The following CATSPERE variants were observed in gnomAD, a reference collection of about 807,000 sequenced individuals.
CATSPERE encodes cation channel sperm-associated auxiliary subunit epsilon.
A neutral mutation model predicts 114.1 loss-of-function variants in CATSPERE; 93 were observed. The ratio of observed to expected loss-of-function variants is 0.81; its 90% CI spans 0.69 to 0.97. The LOEUF (loss-of-function observed/expected upper bound fraction) is 0.97, where lower values mean the gene tolerates loss of function less well. CATSPERE is among the 50% of genes least tolerant of loss of function. CATSPERE has a pLI of 0.00. For missense variants in CATSPERE, 1,058 were observed against 1,131.6 expected (o/e 0.93, Z 0.93); for synonymous variants, 341 against 384.1 (o/e 0.89, Z 1.31).
rs9428607 is a variant in CATSPERE at position 244,516,376 on chromosome 1, C to T, written c.430-2216C>T. 7.2e-3 allele frequency among the ~76,000 whole-genome samples: 1,094 copies of T among 152,048 alleles called. 13 individuals are homozygous for T. Among genetic ancestry groups the T allele is most frequent in the African/African-American group, 0.025 (1,019 of 41,408 alleles). Reference sequence around the variant, plus strand: ...GTTTGTTTGTTTTTAGAGATGGGGTCTCACTCTTTTACCCAGGCTGGAGTG... The same window carrying T: ...GTTTGTTTGTTTTTAGAGATGGGGTTTCACTCTTTTACCCAGGCTGGAGTG... On this transcript the variant is annotated intron_variant, in intron 7 of 21. Transcript: ENST00000366534.
At chr1:244,621,313 A>AGATATATCT in intron 20 of CATSPERE, among the ~76,000 whole-genome samples, 1 of 78,916 alleles carries the variant, frequency 1.3e-5, no homozygotes, top group South Asian at 3.8e-4. Flanking sequence ...ATAAATATAT[A>AGATATATCT]AAATATATAT....
intron 8 of CATSPERE, among the ~76,000 whole-genome samples, chr1:244,547,968 C>T (rs1275081372): frequency 6.6e-6 from 1 of 152,172 alleles, no homozygotes; most frequent in Admixed American, 6.5e-5. Context: ...ACCAGACATG[C>T]TATTATATAC....
intron 8 of CATSPERE, among the ~76,000 whole-genome samples, chr1:244,524,989 G>C (rs1248546953): frequency 6.9e-6 from 1 of 145,274 alleles, no homozygotes; most frequent in Non-Finnish European, 1.5e-5. Flanking sequence ...CCATTACTCG[G>C]TATATACCCA....
chr1:244,492,127 C>G (rs1672287507), intron 6 of CATSPERE, among the ~76,000 whole-genome samples: 3 of 152,062 alleles, frequency 2.0e-5, no homozygotes, highest in Non-Finnish European at 4.4e-5. Context: ...CAAAGCCTGG[C>G]AGAGACACAA....
chr1:244,518,505 A>G, intron 7 of CATSPERE, 87 bp from the exon 8 acceptor site: 1 of 860,340 alleles, frequency 1.2e-6, no homozygotes, highest in East Asian at 2.6e-5. Context: ...TCTTAACGAA[A>G]ATAACAAATT....
At chr1:244,615,913 A>G (rs977592022) in intron 19 of CATSPERE, among the ~76,000 whole-genome samples, 1 of 150,178 alleles carries the variant, frequency 6.7e-6, no homozygotes, top group Non-Finnish European at 1.5e-5. Context: ...CAGAAGTTCG[A>G]CAGAAATCTG....
chr1:244,567,684 C>T (rs912244796), intron 10 of CATSPERE, among the ~76,000 whole-genome samples: 36 of 151,706 alleles, frequency 2.4e-4, no homozygotes, highest in African/African-American at 7.5e-4. Flanking sequence ...TGCTGTGAAG[C>T]TCCATCAGGT....
intron 19 of CATSPERE, among the ~76,000 whole-genome samples, chr1:244,615,046 G>A (rs1448934541): frequency 2.6e-5 from 4 of 151,858 alleles, no homozygotes; most frequent in Admixed American, 6.6e-5. Flanking sequence ...AGCCCTCATT[G>A]TTAATTCATA....
intron 5 of CATSPERE, among the ~76,000 whole-genome samples, chr1:244,480,797 C>G (rs748528220): frequency 1.1e-4 from 16 of 152,192 alleles, no homozygotes; most frequent in Non-Finnish European, 2.4e-4. Context: ...TAACCCAGTC[C>G]TCTCTCACTC....
chr1:244,624,956 G>A (rs1396807670), intron 20 of CATSPERE, among the ~76,000 whole-genome samples: 1 of 152,150 alleles, frequency 6.6e-6, no homozygotes, highest in Non-Finnish European at 1.5e-5. Flanking sequence ...CACATGTGCA[G>A]TGATTTCCCC....
chr1:244,625,416 A>ATG (rs1673017865), intron 20 of CATSPERE, among the ~76,000 whole-genome samples: 1 of 7,102 alleles, frequency 1.4e-4, no homozygotes, highest in African/African-American at 3.5e-4. Flanking sequence ...TTATATATAT[A>ATG]TATATATATA....
intron 8 of CATSPERE, among the ~76,000 whole-genome samples, chr1:244,529,394 A>C (rs570774073): frequency 6.6e-6 from 1 of 152,230 alleles, no homozygotes; most frequent in East Asian, 1.9e-4. Context: ...TCTAGTTTTG[A>C]TTTGCATTTC....
At chr1:244,525,558 A>C (rs903679860) in intron 8 of CATSPERE, among the ~76,000 whole-genome samples, 4 of 152,088 alleles carry the variant, frequency 2.6e-5, no homozygotes, top group African/African-American at 4.8e-5. Context: ...ATGAAACACT[A>C]ATGTGGATTG....
chr1:244,550,582 A>G (rs1224028603), intron 8 of CATSPERE, among the ~76,000 whole-genome samples: 3 of 152,228 alleles, frequency 2.0e-5, no homozygotes, highest in Non-Finnish European at 4.4e-5. Context: ...TCAGTGGACA[A>G]TGTAGCAAAA....
At chr1:244,460,066 T>C (rs1269783714), upstream of CATSPERE, among the ~76,000 whole-genome samples, 2 of 152,220 alleles carry the variant, frequency 1.3e-5, no homozygotes, top group Admixed American at 6.5e-5. Flanking sequence ...ACTGAACGGA[T>C]TGCATCTTGC....
chr1:244,621,064 ATATATAAAATAT>A (rs1347848367), intron 20 of CATSPERE, among the ~76,000 whole-genome samples: 5 of 35,258 alleles, frequency 1.4e-4, no homozygotes, highest in Admixed American at 4.4e-4. Context: ...ATATATAAAT[ATATATAAAATAT>A]ATATATAAAT....
chr1:244,608,886 T>C lies in CATSPERE; in HGVS notation c.2404-1354T>C, dbSNP rs74586062. Among the ~76,000 whole-genome samples, 783 of 152,252 alleles carry C rather than the reference T, an allele frequency of 5.1e-3. 11 individuals carry two copies. The highest frequency in any genetic ancestry group is 0.018 in the African/African-American group (763 of 41,544). ...TCTTTCTGCTTTATCCATGCCTGTGTCTGAGTTGCTCAATTCCTATCTTGG... is the reference window on the plus strand; with the variant it reads ...TCTTTCTGCTTTATCCATGCCTGTGCCTGAGTTGCTCAATTCCTATCTTGG... On this transcript the variant is annotated intron_variant, in intron 18 of 21. Coordinates refer to ENST00000366534, the MANE Select transcript of CATSPERE (RefSeq NM_001130957.2).
intron 2 of CATSPERE, among the ~76,000 whole-genome samples, chr1:244,476,807 A>G (rs1049571203): frequency 2.6e-5 from 4 of 152,228 alleles, no homozygotes; most frequent in African/African-American, 9.6e-5. Context: ...GGCAGGGAAA[A>G]AAGTAGCTTT....
At chr1:244,600,906 G>T (rs960671373) in intron 17 of CATSPERE, among the ~76,000 whole-genome samples, 1 of 152,124 alleles carries the variant, frequency 6.6e-6, no homozygotes, top group Non-Finnish European at 1.5e-5. Flanking sequence ...TAAGGAAACG[G>T]ACCCCCATGA....
Sources: gnomAD v4.1 joint callset for allele counts (sites outside exome capture counted in the v4.1 genomes callset) on GRCh38, gnomAD v4.1.1 for gene constraint, MANE v1.5 for transcripts, NCBI Gene and HGNC (gene_info 2026-07-23, HGNC 2026-07-21) for gene names.